Variants in NKAIN2 observed in about 807,000 individuals in gnomAD.
NKAIN2 encodes sodium/potassium transporting ATPase interacting 2.
A neutral mutation model predicts 32.6 loss-of-function variants in NKAIN2; 14 were observed. The ratio of observed to expected loss-of-function variants is 0.43; its 90% CI spans 0.28 to 0.67. NKAIN2 has a LOEUF of 0.67. Among genes scored for constraint, NKAIN2 ranks in the 30% least tolerant of loss-of-function variants. NKAIN2 has a pLI of 0.17. For synonymous variants in NKAIN2, 80 were observed against 87.2 expected, an observed-to-expected ratio of 0.92 and a Z score of 0.46; for missense variants, 198 against 258.3, an observed-to-expected ratio of 0.77 and a Z score of 1.60.
At chr6:124,374,954 T>G (rs1185291703) in intron 3 of NKAIN2, among the ~76,000 whole-genome samples, 2 of 152,046 alleles carry the variant, frequency 1.3e-5, no homozygotes, top group African/African-American at 4.8e-5. Flanking sequence ...CTCAGCTCAT[T>G]CTCTGCCCAC....
At chr6:124,556,585 C>A (rs1209052093) in intron 3 of NKAIN2, among the ~76,000 whole-genome samples, 1 of 152,162 alleles carries the variant, frequency 6.6e-6, no homozygotes, top group Non-Finnish European at 1.5e-5. Context: ...GCACCATGCT[C>A]TCAGACTTCC....
intron 1 of NKAIN2, among the ~76,000 whole-genome samples, chr6:124,019,873 A>G (rs1780788405): frequency 6.6e-6 from 1 of 152,178 alleles, no homozygotes; most frequent in Non-Finnish European, 1.5e-5. Flanking sequence ...TATTTATTAT[A>G]TAAGACATAT....
intron 4 of NKAIN2, among the ~76,000 whole-genome samples, chr6:124,769,047 C>T (rs1249440761): frequency 6.6e-6 from 1 of 152,114 alleles, no homozygotes; most frequent in East Asian, 1.9e-4. Context: ...TTCTTTAAGC[C>T]ACAGTTTCTA....
chr6:124,106,355 T>A (rs1785120488), intron 1 of NKAIN2, among the ~76,000 whole-genome samples: 1 of 152,184 alleles, frequency 6.6e-6, no homozygotes, highest in Non-Finnish European at 1.5e-5. Context: ...TAAGAGTTTA[T>A]GATTTTTTTG....
At chr6:124,227,539 G>T (rs1792185711) in intron 1 of NKAIN2, among the ~76,000 whole-genome samples, 1 of 152,000 alleles carries the variant, frequency 6.6e-6, no homozygotes, top group Admixed American at 6.6e-5. Context: ...TTAAAGGAGT[G>T]GTATTCATTT....
intron 3 of NKAIN2, among the ~76,000 whole-genome samples, chr6:124,497,824 TAA>T (rs33913104): frequency 2.4e-4 from 25 of 105,702 alleles, no homozygotes; most frequent in South Asian, 4.2e-4. Flanking sequence ...GAGTAAGGGG[TAA>T]AAAAAAAAAA....
chr6:124,527,288 T>G (rs1472142763), intron 3 of NKAIN2, among the ~76,000 whole-genome samples: 1 of 152,154 alleles, frequency 6.6e-6, no homozygotes, highest in Non-Finnish European at 1.5e-5. Context: ...CCACATAACA[T>G]TTAAGAATGT....
chr6:123,829,331 A>G (rs537869146), intron 1 of NKAIN2: 7 of 152,206 alleles, frequency 4.6e-5, no homozygotes, highest in Admixed American at 2.0e-4. Context: ...TCTATCTGAC[A>G]GCATCCTGTG....
intron 1 of NKAIN2, among the ~76,000 whole-genome samples, chr6:123,886,477 G>GA (rs939115454): frequency 1.3e-5 from 2 of 151,976 alleles, no homozygotes; most frequent in African/African-American, 2.4e-5. Flanking sequence ...GTTTACATAG[G>GA]AAAAAACTTA....
intron 4 of NKAIN2, among the ~76,000 whole-genome samples, chr6:124,718,598 A>G (rs1775867448): frequency 6.6e-6 from 1 of 152,194 alleles, no homozygotes; most frequent in Non-Finnish European, 1.5e-5. Flanking sequence ...TATTCCCCAT[A>G]GAATTTCCTA....
At chr6:124,343,486 G>A (rs1324207685) in intron 2 of NKAIN2, among the ~76,000 whole-genome samples, 1 of 151,706 alleles carries the variant, frequency 6.6e-6, no homozygotes, top group Non-Finnish European at 1.5e-5. Context: ...ATCCTCTCCA[G>A]CACCTGTTGT....
intron 1 of NKAIN2, among the ~76,000 whole-genome samples, chr6:124,264,168 G>A (rs539834274): frequency 2.6e-5 from 4 of 152,320 alleles, no homozygotes; most frequent in African/African-American, 9.6e-5. Flanking sequence ...GGAATGAGAA[G>A]CTATTTAACA....
intron 2 of NKAIN2, among the ~76,000 whole-genome samples, chr6:124,323,856 C>T (rs1275541695): frequency 4.1e-5 from 6 of 146,018 alleles, no homozygotes; most frequent in South Asian, 2.2e-4. Context: ...GGCACAATCT[C>T]GGCTCACTGC....
At chr6:123,938,571 ATATATATTTATATAGTTTT>A (rs1776666792) in intron 1 of NKAIN2, among the ~76,000 whole-genome samples, 1 of 132,292 alleles carries the variant, frequency 7.6e-6, no homozygotes, top group African/African-American at 2.8e-5. Flanking sequence ...TTTATATATT[ATATATATTTATATAGTTTT>A]TATATATTAT....
At chr6:124,549,033 A>G (rs935395074) in intron 3 of NKAIN2, among the ~76,000 whole-genome samples, 10 of 152,026 alleles carry the variant, frequency 6.6e-5, no homozygotes, top group African/African-American at 2.2e-4. Flanking sequence ...CTTTTGAGAA[A>G]CTTTGATGCA....
intron 1 of NKAIN2, among the ~76,000 whole-genome samples, chr6:124,038,581 C>T (rs749838954): frequency 2.0e-5 from 3 of 151,970 alleles, no homozygotes; most frequent in African/African-American, 4.8e-5. Context: ...TGGAACTGGA[C>T]ATTTAAACTG....
chr6:124,438,683 G>C (rs1410248676), intron 3 of NKAIN2, among the ~76,000 whole-genome samples: 1 of 151,980 alleles, frequency 6.6e-6, no homozygotes, highest in Non-Finnish European at 1.5e-5. Context: ...TCCCTTTCCA[G>C]CAAACAGCTC....
chr6:123,824,277 T>C (rs1458274529), intron 1 of NKAIN2, among the ~76,000 whole-genome samples: 2 of 152,084 alleles, frequency 1.3e-5, no homozygotes, highest in Non-Finnish European at 2.9e-5. Context: ...ACCCACAGGC[T>C]TTCACTGAAA....
chr6:124,822,675 T>C (rs1472916936), intron 6 of NKAIN2, among the ~76,000 whole-genome samples: 1 of 152,186 alleles, frequency 6.6e-6, no homozygotes, highest in Admixed American at 6.5e-5. Context: ...AATTATATTT[T>C]TCTTAAAGTT....
Sources: gnomAD v4.1 joint callset for allele counts (sites outside exome capture counted in the v4.1 genomes callset) on GRCh38, gnomAD v4.1.1 for gene constraint, MANE v1.5 for transcripts, NCBI Gene and HGNC (gene_info 2026-07-23, HGNC 2026-07-21) for gene names.